Variants in DOT1L observed in about 807,000 individuals in gnomAD.
DOT1L encodes the protein histone-lysine N-methyltransferase, H3 lysine-79 specific.
In DOT1L, 33 loss-of-function variants were observed where a neutral mutation model predicts 153.3. The observed-to-expected ratio is 0.22, with a 90% CI of 0.16 to 0.29. The LOEUF is 0.29. Among genes scored for constraint, DOT1L ranks in the 10% least tolerant of loss-of-function variants. DOT1L has a pLI of 1.00. For missense variants in DOT1L, 1,847 were observed against 2,119.9 expected, an observed-to-expected ratio of 0.87 and a Z score of 2.53; for synonymous variants, 1,135 against 965.1, an observed-to-expected ratio of 1.18 and a Z score of -3.26.
At chr19:2,184,390 G>C (rs1237902704) in intron 2 of DOT1L, among the ~76,000 whole-genome samples, 1 of 152,106 alleles carries the variant, frequency 6.6e-6, no homozygotes, top group Non-Finnish European at 1.5e-5. Context: ...GTGTGGAAGG[G>C]TCTTGGAGGG....
At chr19:2,184,690 G>C (rs2022409416) in intron 2 of DOT1L, among the ~76,000 whole-genome samples, 1 of 152,174 alleles carries the variant, frequency 6.6e-6, no homozygotes, top group African/African-American at 2.4e-5. Context: ...CTGGCCTCTT[G>C]GAGGGTACCG....
intron 1 of DOT1L, among the ~76,000 whole-genome samples, chr19:2,169,496 C>T (rs2020047780): frequency 6.6e-6 from 1 of 152,112 alleles, no homozygotes; most frequent in South Asian, 2.1e-4. Flanking sequence ...AGCCTAGCCT[C>T]TGAGGAGAGT....
At chr19:2,167,447 A>G (rs1193449446) in intron 1 of DOT1L, among the ~76,000 whole-genome samples, 1 of 152,200 alleles carries the variant, frequency 6.6e-6, no homozygotes, top group Non-Finnish European at 1.5e-5. Context: ...GTAAATAGTA[A>G]GGGCGAGAGC....
chr19:2,226,055 C>T, intron 26 of DOT1L, 128 bp from the exon 27 acceptor site: 1 of 1,029,834 alleles, frequency 9.7e-7, no homozygotes, highest in Non-Finnish European at 1.4e-6. Context: ...TCCCGCTTGG[C>T]ATCTTGAGTG....
rs2023781572 is a variant in DOT1L at position 2,213,398 on chromosome 19, C to T, written c.1558-141C>T. ...CCGTGGCCTGAGTATTTCTTGACAT[C>T]TCAGCCCGGTGTGGGTCCCCTCAGG... is the stretch of plus-strand genomic sequence containing the variant. On this transcript the variant is annotated intron_variant, in intron 16 of 27. Transcript: ENST00000398665. 1.0e-5 allele frequency: 8 copies of T among 778,104 alleles called. No individual in the cohort carries two copies. The Admixed American group carries it at 2.2e-4, about 21-fold the overall frequency. The allele number at this position is 778,104 out of a possible 1,614,324, so 48.2% of individuals were successfully genotyped here.
intron 7 of DOT1L, 52 bp downstream of exon 7, chr19:2,194,629 C>G: frequency 6.4e-7 from 1 of 1,568,620 alleles, no homozygotes; most frequent in Non-Finnish European, 8.7e-7. Context: ...ACCCCCGCTC[C>G]CACCCTCCTG....
chr19:2,192,563 C>G (rs939273904), intron 5 of DOT1L, among the ~76,000 whole-genome samples: 21 of 150,718 alleles, frequency 1.4e-4, no homozygotes, highest in African/African-American at 5.1e-4. Flanking sequence ...ATCCCAGCTA[C>G]TTGGGAGGCT....
chr19:2,199,945 G>A lies in DOT1L; in HGVS notation c.707+6G>A, dbSNP rs767315371. ...GAGCGAATCGCCAACACGAGGTATG[G>A]CCAGCGTGGGGCATGCAGGGCATGT... On this transcript the variant is annotated splice_donor_region_variant and intron_variant, in intron 8 of 27. Transcript: ENST00000398665. The A allele has an allele frequency of 2.5e-5, 40 of 1,613,684 alleles. No homozygotes were observed. In the South Asian group the frequency reaches 4.2e-4, roughly 17 times the overall value.
In DOT1L at chr19:2,204,303, A is replaced by G. The variant is rs1419323154; in HGVS notation, c.787+1524A>G. 6.7e-6 allele frequency among the ~76,000 whole-genome samples: 1 copy of G among 149,986 alleles called. No individual in the cohort carries two copies. The highest frequency in any genetic ancestry group is 6.6e-5 in the Admixed American group (1 of 15,086). ...TCTGCTTGTTTGTCTGTGTGTGTGC[A>G]TGCATGCCTGTGTCTCTCTGCGTCT... On this transcript the variant is annotated intron_variant, in intron 9 of 27. Transcript: ENST00000398665. This position sits in a 1 kb window ranked among gnomAD's most constrained non-coding sequence, Gnocchi z 5.7.
intron 1 of DOT1L, among the ~76,000 whole-genome samples, chr19:2,169,120 C>T (rs2020033745): frequency 1.3e-5 from 2 of 152,070 alleles, no homozygotes; most frequent in Non-Finnish European, 2.9e-5. Context: ...TGAGTGAGTA[C>T]ATGTTCCGCC....
At chr19:2,167,858 C>T (rs551335709) in intron 1 of DOT1L, among the ~76,000 whole-genome samples, 1 of 152,056 alleles carries the variant, frequency 6.6e-6, no homozygotes, top group Non-Finnish European at 1.5e-5. Flanking sequence ...GCCTCAGCCT[C>T]CCCAGTAGCT....
intron 8 of DOT1L, among the ~76,000 whole-genome samples, chr19:2,201,471 T>C (rs919911614): frequency 6.6e-6 from 1 of 152,196 alleles, no homozygotes; most frequent in African/African-American, 2.4e-5. Flanking sequence ...TGGCTTGTGG[T>C]TGAGTGTCCC....
Position 2,188,494 on chromosome 19 carries a change from C to CCCCCCG in DOT1L, c.201-1238_201-1237insCCCCCG, listed in dbSNP as rs1491479536. ...CCCCAGCCGCCGCCCCCCCCCCCCC[C>CCCCCCG]ACCCGCACAGGTGCAGGCCCCCTCG... On this transcript the variant is annotated intron_variant, in intron 3 of 27. Coordinates refer to ENST00000398665, the MANE Select transcript of DOT1L (RefSeq NM_032482.3). Among the ~76,000 whole-genome samples the CCCCCCG allele has an allele frequency of 8.5e-5, 10 of 117,620 alleles. No individual in the cohort carries two copies. The South Asian group carries it at 9.9e-4, about 12-fold the overall frequency. The allele number at this position is 117,620 out of a possible 152,430, so 77.2% of individuals were successfully genotyped here. A position where few individuals can be genotyped will look rare whatever the true frequency, so the allele number is the denominator to read the frequency against.
intron 27 of DOT1L, chr19:2,227,763 G>T (rs866832381): frequency 2.3e-6 from 3 of 1,319,878 alleles, no homozygotes; most frequent in Non-Finnish European, 1.0e-6. Context: ...GGTGCCCTCC[G>T]CCTCTGCTCA....
chr19:2,204,733 C>T lies in DOT1L; in HGVS notation c.787+1954C>T, dbSNP rs1416257013. Among the ~76,000 whole-genome samples, 1 of 152,138 alleles carries T rather than the reference C, an allele frequency of 6.6e-6. No homozygotes were observed. The highest frequency in any genetic ancestry group is 1.5e-5 in the Non-Finnish European group (1 of 68,034). ...GGGGCCTTGATGGTCCCAGACATGCCCATGAGCATTTGTTAGCCTGGCTCT... is the reference window on the plus strand; with the variant it reads ...GGGGCCTTGATGGTCCCAGACATGCTCATGAGCATTTGTTAGCCTGGCTCT... On this transcript the variant is annotated intron_variant, in intron 9 of 27. Coordinates refer to ENST00000398665, the MANE Select transcript of DOT1L (RefSeq NM_032482.3). The surrounding 1 kb of genome is among the most constrained non-coding windows in gnomAD (Gnocchi z 5.7).
chr19:2,183,318 C>T (rs2022330919), intron 2 of DOT1L, among the ~76,000 whole-genome samples: 3 of 152,128 alleles, frequency 2.0e-5, no homozygotes, highest in Admixed American at 1.3e-4. Context: ...TTACAGGTGC[C>T]TGCAACCACG....
chr19:2,182,983 G>A (rs2022312362), intron 2 of DOT1L, among the ~76,000 whole-genome samples: 3 of 152,240 alleles, frequency 2.0e-5, no homozygotes, highest in African/African-American at 7.2e-5. Context: ...CAGAGACCTC[G>A]AAACTCGAAC....
At chr19:2,179,444 G>A (rs376114334) in intron 1 of DOT1L, among the ~76,000 whole-genome samples, 38 of 152,258 alleles carry the variant, frequency 2.5e-4, no homozygotes, top group Admixed American at 1.9e-3. Flanking sequence ...AGGGGATCGC[G>A]TCTGCAACTC....
At chr19:2,213,441 G>A (rs1012494210) in intron 16 of DOT1L, 98 bp from the exon 17 acceptor site, 25 of 1,231,168 alleles carry the variant, frequency 2.0e-5, no homozygotes, top group East Asian at 1.9e-4. Context: ...GTCCTTGAGC[G>A]TGTCTTCAGG....
Sources: gnomAD v4.1 joint callset for allele counts (sites outside exome capture counted in the v4.1 genomes callset) on GRCh38, gnomAD v4.1.1 for gene constraint, Gnocchi (gnomAD v3.1) non-coding constraint, MANE v1.5 for transcripts, NCBI Gene and HGNC (gene_info 2026-07-23, HGNC 2026-07-21) for gene names.